The following CHRM3 variants were observed in gnomAD, a reference collection of about 807,000 sequenced individuals.
The protein encoded by CHRM3 is cholinergic receptor muscarinic 3.
A neutral mutation model predicts 41.8 loss-of-function variants in CHRM3; 11 were observed. The ratio of observed to expected loss-of-function variants is 0.26; its 90% CI spans 0.17 to 0.44. CHRM3 has a LOEUF of 0.44. CHRM3 is among the 20% of genes least tolerant of loss of function. CHRM3 has a pLI of 1.00. For synonymous variants in CHRM3, 297 were observed against 301.4 expected (o/e 0.99, Z 0.15); for missense variants, 571 against 745.4 (o/e 0.77, Z 2.72).
chr1:239,408,928 A>G (rs185287599), intron 1 of CHRM3, among the ~76,000 whole-genome samples: 2 of 152,158 alleles, frequency 1.3e-5, no homozygotes, highest in Admixed American at 6.5e-5. Flanking sequence ...GGCCTCCAGA[A>G]TGCTCTTGAT....
At chr1:239,676,837 G>T (rs1658048326) in intron 4 of CHRM3, among the ~76,000 whole-genome samples, 1 of 152,208 alleles carries the variant, frequency 6.6e-6, no homozygotes, top group Admixed American at 6.5e-5. Flanking sequence ...TTCTTGGGGT[G>T]TATGCTTTCA....
chr1:239,576,511 G>A (rs1305206218), intron 3 of CHRM3, among the ~76,000 whole-genome samples: 1 of 151,832 alleles, frequency 6.6e-6, no homozygotes, highest in African/African-American at 2.4e-5. Context: ...GGGAGGCCAA[G>A]GCAGGAGTAT....
chr1:239,664,301 T>C (rs1673544186), intron 4 of CHRM3, among the ~76,000 whole-genome samples: 1 of 152,208 alleles, frequency 6.6e-6, no homozygotes, highest in Non-Finnish European at 1.5e-5. Flanking sequence ...TATTCCATTT[T>C]TAATTTATCA....
At position 239,396,243 on chromosome 1, in the gene CHRM3, C is replaced by T. The variant is rs190717532; in HGVS notation, c.-521+9016C>T. 7.2e-5 allele frequency among the ~76,000 whole-genome samples: 11 copies of T among 152,184 alleles called. No homozygotes were observed. In the East Asian group the frequency reaches 2.1e-3, roughly 29 times the overall value. ...GTTTGAAATATCAGACTGTGAACTCCTTGAAAGATGCTGTGTTTTGTTGGT... is the reference window on the plus strand; with the variant it reads ...GTTTGAAATATCAGACTGTGAACTCTTTGAAAGATGCTGTGTTTTGTTGGT... On this transcript the variant is annotated intron_variant, in intron 1 of 6. Transcript: ENST00000676153.
chr1:239,613,217 C>T (rs1467733065), intron 3 of CHRM3, among the ~76,000 whole-genome samples: 2 of 152,122 alleles, frequency 1.3e-5, no homozygotes, highest in Non-Finnish European at 2.9e-5. Context: ...TTTTGCTAAA[C>T]CAAGAACAGA....
intron 2 of CHRM3, among the ~76,000 whole-genome samples, chr1:239,507,168 G>C (rs1012597172): frequency 1.3e-5 from 2 of 152,120 alleles, no homozygotes; most frequent in African/African-American, 4.8e-5. Context: ...AGGCATGATT[G>C]GTTTCGAAAT....
intron 3 of CHRM3, among the ~76,000 whole-genome samples, chr1:239,610,033 A>C (rs1453653238): frequency 2.0e-5 from 3 of 151,940 alleles, no homozygotes; most frequent in Non-Finnish European, 4.4e-5. Context: ...TCTACTAAAA[A>C]TACAAAAAAA....
chr1:239,525,402 T>C (rs1372044586), intron 2 of CHRM3, among the ~76,000 whole-genome samples: 1 of 152,208 alleles, frequency 6.6e-6, no homozygotes, highest in Non-Finnish European at 1.5e-5. Context: ...TGCTGTATCC[T>C]GATTTGACTA....
At chr1:239,756,087 A>G (rs1666221061) in intron 5 of CHRM3, among the ~76,000 whole-genome samples, 1 of 152,196 alleles carries the variant, frequency 6.6e-6, no homozygotes, top group African/African-American at 2.4e-5. Context: ...CCAGCAAATG[A>G]TAGATGTCAT....
chr1:239,749,640 C>A (rs963420295), intron 5 of CHRM3, among the ~76,000 whole-genome samples: 1 of 152,074 alleles, frequency 6.6e-6, no homozygotes, highest in Non-Finnish European at 1.5e-5. Flanking sequence ...TTCACTCCAG[C>A]CTGGGTGACA....
intron 4 of CHRM3, among the ~76,000 whole-genome samples, chr1:239,641,882 G>T (rs1464946400): frequency 7.9e-6 from 1 of 126,572 alleles, no homozygotes; most frequent in African/African-American, 3.2e-5. Context: ...ACAATTTGGC[G>T]TGATTTTGCA....
At position 239,620,298 on chromosome 1, in the gene CHRM3, A is replaced by G. The variant is rs577536708; in HGVS notation, c.-312-11926A>G. 3.1e-3 allele frequency among the ~76,000 whole-genome samples: 469 copies of G among 152,318 alleles called. 2 individuals are homozygous for G. The highest frequency in any genetic ancestry group is 7.0e-3 in the Admixed American group (107 of 15,300). On this transcript the variant is annotated intron_variant, in intron 3 of 6. Transcript: ENST00000676153. The stretch of plus-strand genomic sequence containing the variant: ...CAAGGATTATCTCCCTCTTAATGCC[A>G]CAACCTCAGAACCTTGGCCAAAGAT...
intron 5 of CHRM3, among the ~76,000 whole-genome samples, chr1:239,711,043 G>A (rs182313320): frequency 3.9e-5 from 6 of 152,120 alleles, no homozygotes; most frequent in East Asian, 1.9e-4. Flanking sequence ...CCACAATACC[G>A]CCCTGAGTTT....
chr1:239,490,612 C>T (rs892323262), intron 1 of CHRM3, among the ~76,000 whole-genome samples: 1 of 151,912 alleles, frequency 6.6e-6, no homozygotes. Flanking sequence ...CTCTGTCTCC[C>T]AGTCAGTAGC....
intron 3 of CHRM3, among the ~76,000 whole-genome samples, chr1:239,609,850 G>A (rs1666787591): frequency 6.6e-6 from 1 of 152,122 alleles, no homozygotes; most frequent in South Asian, 2.1e-4. Flanking sequence ...CTTGTAGAGT[G>A]TAATCATTCT....
chr1:239,461,617 A>T (rs1252429271), intron 1 of CHRM3, among the ~76,000 whole-genome samples: 1 of 151,818 alleles, frequency 6.6e-6, no homozygotes, highest in African/African-American at 2.4e-5. Context: ...AAGAAAAAAA[A>T]ATTATCATTC....
chr1:239,648,494 G>T (rs1485397595), intron 4 of CHRM3, among the ~76,000 whole-genome samples: 1 of 152,180 alleles, frequency 6.6e-6, no homozygotes, highest in Non-Finnish European at 1.5e-5. Context: ...TAAGCAGTTG[G>T]ATGCACTAAT....
intron 6 of CHRM3, among the ~76,000 whole-genome samples, chr1:239,904,681 A>C (rs906214128): frequency 6.6e-6 from 1 of 152,210 alleles, no homozygotes; most frequent in Non-Finnish European, 1.5e-5. Flanking sequence ...TAAAACCCAA[A>C]TATTTAAAAA....
intron 5 of CHRM3, among the ~76,000 whole-genome samples, chr1:239,752,685 A>G (rs934679904): frequency 2.6e-4 from 39 of 152,234 alleles, no homozygotes; most frequent in African/African-American, 9.2e-4. Context: ...AGGTTGTGAC[A>G]AACGACTGTC....
Sources: allele counts gnomAD v4.1 joint callset (sites outside exome capture counted in the v4.1 genomes callset), GRCh38; gene constraint gnomAD v4.1.1; transcripts MANE v1.5; gene names NCBI Gene and HGNC (gene_info 2026-07-23, HGNC 2026-07-21).